Variants in HTR3C observed in about 807,000 individuals in gnomAD.
The protein encoded by HTR3C is 5-hydroxytryptamine receptor 3C.
Under a neutral mutation model 40.5 loss-of-function variants are expected in HTR3C, and 32 were observed. The observed-to-expected ratio is 0.79, with a 90% CI of 0.60 to 1.06. The LOEUF (loss-of-function observed/expected upper bound fraction) is 1.06, where lower values mean the gene tolerates loss of function less well. HTR3C is among the 50% of genes least tolerant of loss of function. HTR3C has a pLI of 0.00. For missense variants in HTR3C, 523 were observed against 556.8 expected (o/e 0.94, Z 0.61); for synonymous variants, 209 against 217.1 (o/e 0.96, Z 0.33).
intron 7 of HTR3C, 52 bp from the exon 8 acceptor site, chr3:184,059,776 A>C (rs1723406678): frequency 1.9e-5 from 31 of 1,603,698 alleles, no homozygotes; most frequent in Non-Finnish European, 5.1e-6. Flanking sequence ...AGGCGTGAGG[A>C]ATGCTTAGAG....
chr3:184,053,465 T>C (rs1392349532), intron 1 of HTR3C, among the ~76,000 whole-genome samples: 3 of 152,134 alleles, frequency 2.0e-5, no homozygotes, highest in Admixed American at 6.5e-5. Flanking sequence ...TCTCCTGACA[T>C]GATATCTATG....
intron 3 of HTR3C, among the ~76,000 whole-genome samples, chr3:184,055,699 A>G (rs1391098700): frequency 7.4e-6 from 1 of 134,718 alleles, no homozygotes; most frequent in Non-Finnish European, 1.6e-5. Flanking sequence ...AGATGACAAG[A>G]ACGAAACTCC....
At chr3:184,055,404 G>A (rs1723303003) in intron 3 of HTR3C, 48 bp downstream of exon 3, 1 of 1,404,736 alleles carries the variant, frequency 7.1e-7, no homozygotes, top group South Asian at 1.2e-5. Context: ...ATAATTTTAA[G>A]CCTGAGGAGT....
At chr3:184,056,399 G>A (rs1178418160) in intron 4 of HTR3C, 113 bp downstream of exon 4, 7 of 732,768 alleles carry the variant, frequency 9.6e-6, no homozygotes, top group South Asian at 1.6e-5. Context: ...CAGTCTCAAC[G>A]AACTGACTTC....
At chr3:184,058,690 T>G in intron 6 of HTR3C, 103 bp downstream of exon 6, 1 of 1,314,744 alleles carries the variant, frequency 7.6e-7, no homozygotes, top group Non-Finnish European at 1.0e-6. Context: ...CCAGGCCGGG[T>G]GCAGTGGCTC....
At position 184,055,317 on chromosome 3, in the gene HTR3C, A is replaced by T; in HGVS notation, c.240A>T (p.Ala80=). Residue 80 remains alanine (A), a synonymous_variant, in exon 3 of 9, where the codon GCA becomes GCT. Transcript: ENST00000318351. ...AGTGGAAATTTCCTTGTCAGGATGC[A>T]CAGCTCCAGCTGCTGACATCATTCC... The part of the protein sequence containing the change: ...FTLSAILGVD[A]QLQLLTSFLW... 6.2e-7 allele frequency: 1 copy of T among 1,609,804 alleles called. No homozygotes were observed. The highest frequency in any genetic ancestry group is 8.5e-7 in the Non-Finnish European group (1 of 1,176,056).
At chr3:184,053,635 GA>G (rs767163929) in intron 1 of HTR3C, among the ~76,000 whole-genome samples, 5 of 152,204 alleles carry the variant, frequency 3.3e-5, no homozygotes, top group Non-Finnish European at 7.3e-5. Flanking sequence ...AGGAGGCAGA[GA>G]AAAGGACCAT....
At chr3:184,056,410 C>T in intron 4 of HTR3C, 124 bp downstream of exon 4, 2 of 699,336 alleles carry the variant, frequency 2.9e-6, no homozygotes, top group Non-Finnish European at 5.1e-6. Flanking sequence ...AACTGACTTC[C>T]ACACATCACT....
chr3:184,057,614 G>A (rs1392331984), intron 5 of HTR3C, among the ~76,000 whole-genome samples: 3 of 152,012 alleles, frequency 2.0e-5, no homozygotes, highest in Non-Finnish European at 4.4e-5. Flanking sequence ...GGCGCCTGTA[G>A]TCCCAGCTAC....
rs1723421551 is a variant in HTR3C at position 184,060,292 on chromosome 3, C to T, written c.1284C>T (p.Arg428=). 3 of 1,614,158 alleles carry T rather than the reference C, an allele frequency of 1.9e-6. No individual in the cohort carries two copies. The highest frequency in any genetic ancestry group is 2.5e-6 in the Non-Finnish European group (3 of 1,180,040). ...FSHAMDTLLF[R]LYLLFMASSI... ...ACGCGATGGACACCCTGCTCTTCCGCCTCTACCTGCTCTTCATGGCCTCCT... is the reference window on the plus strand; with the variant it reads ...ACGCGATGGACACCCTGCTCTTCCGTCTCTACCTGCTCTTCATGGCCTCCT... Residue 428 remains arginine, a synonymous_variant, in exon 9 of 9, where the codon CGC becomes CGT. Transcript: ENST00000318351.
rs960148476 is a variant in HTR3C, at chr3:184,060,563, A to G, written c.*211A>G. On this transcript the variant is annotated 3_prime_UTR_variant, in exon 9 of 9. Coordinates refer to ENST00000318351, the MANE Select transcript of HTR3C (RefSeq NM_130770.3). ...CTGCTCAGGCTGCTCATTCCTGCTC[A>G]CCCTCAGTCTCCCTGAGCTACCACC... 2 of 618,082 alleles carry G rather than the reference A, an allele frequency of 3.2e-6. No individual in the cohort carries two copies. The highest frequency in any genetic ancestry group is 3.7e-5 in the African/African-American group (2 of 54,110). The allele number at this position is 618,082 out of a possible 1,614,324, so 38.3% of individuals were successfully genotyped here. A position where few individuals can be genotyped will look rare whatever the true frequency, so the allele number is the denominator to read the frequency against.
chr3:184,053,179 G>A (rs371387583), intron 1 of HTR3C, 32 bp downstream of exon 1: 2 of 1,571,826 alleles, frequency 1.3e-6, no homozygotes, highest in Admixed American at 1.7e-5. Flanking sequence ...GAAGACCAGA[G>A]TGTGGTTCCG....
At chr3:184,056,705 A>G (rs1277370604) in intron 4 of HTR3C, among the ~76,000 whole-genome samples, 170 bp from the exon 5 acceptor site, 2 of 152,148 alleles carry the variant, frequency 1.3e-5, no homozygotes, top group Non-Finnish European at 2.9e-5. Context: ...CTGAGATTGC[A>G]CCACTGAACT....
In HTR3C at chr3:184,056,126, A is replaced by G. The variant is rs368553627; in HGVS notation, c.280-51A>G. 128 of 1,215,452 alleles carry G rather than the reference A, an allele frequency of 1.1e-4. 1 individual carries two copies. The Middle Eastern group carries it at 1.7e-3, about 16-fold the overall frequency. 75.3% of individuals were successfully genotyped at this position (1,215,452 alleles called of 1,614,324 possible). Reference sequence around the variant, plus strand: ...AGAATGGAAAGGGTGGGAGAGGCCGACAGGACAAGCTCACCGTCACTCACC... The same window carrying G: ...AGAATGGAAAGGGTGGGAGAGGCCGGCAGGACAAGCTCACCGTCACTCACC... On this transcript the variant is annotated intron_variant, in intron 3 of 8. Coordinates refer to ENST00000318351, the MANE Select transcript of HTR3C (RefSeq NM_130770.3).
chr3:184,053,747 TTTG>T (rs1334508314), intron 1 of HTR3C, among the ~76,000 whole-genome samples: 5 of 151,978 alleles, frequency 3.3e-5, no homozygotes, highest in South Asian at 2.1e-4. Context: ...ACTTTGTGGT[TTTG>T]TTGTTGTTGT....
Position 184,059,589 on chromosome 3 carries a change from T to A in HTR3C, c.874T>A (p.Phe292Ile), listed in dbSNP as rs780857968. 1 of 1,614,044 alleles carries A rather than the reference T, an allele frequency of 6.2e-7. No homozygotes were observed. Among genetic ancestry groups the A allele is most frequent in the Non-Finnish European group, 8.5e-7 (1 of 1,180,002 alleles). ...KITLLLGYNVFLLMMNDLLPA... is the reference protein window; with the variant it reads ...KITLLLGYNVILLMMNDLLPA... ...AACACTTCTGCTGGGCTACAACGTCTTCCTGCTCATGATGAATGACTTGCT... is the reference window on the plus strand; with the variant it reads ...AACACTTCTGCTGGGCTACAACGTCATCCTGCTCATGATGAATGACTTGCT... Residue 292 changes from phenylalanine (F) to isoleucine (I), a missense_variant, in exon 7 of 9, where the codon TTC (phenylalanine) becomes ATC (isoleucine). Physicochemically the swap from Phe to Ile is conservative, Grantham distance 21. Transcript: ENST00000318351.
chr3:184,060,467 T>C lies in HTR3C; in HGVS notation c.*115T>C. 7.4e-7 allele frequency: 1 copy of C among 1,356,354 alleles called. No individual in the cohort carries two copies. Among genetic ancestry groups the C allele is most frequent in the East Asian group, 2.3e-5 (1 of 43,388 alleles). The allele number at this position is 1,356,354 out of a possible 1,614,324, so 84.0% of individuals were successfully genotyped here. A position where few individuals can be genotyped will look rare whatever the true frequency, so the allele number is the denominator to read the frequency against. On this transcript the variant is annotated 3_prime_UTR_variant, in exon 9 of 9. Coordinates refer to ENST00000318351, the MANE Select transcript of HTR3C (RefSeq NM_130770.3). The stretch of plus-strand genomic sequence containing the variant: ...ATCCCCAGTGACTACCATGTCCCCT[T>C]CTAAATTCCAAAGACTCCAACGCAG...
At chr3:184,057,759 CA>C (rs1393404480) in intron 5 of HTR3C, among the ~76,000 whole-genome samples, 1 of 121,770 alleles carries the variant, frequency 8.2e-6, no homozygotes, top group African/African-American at 3.0e-5. Flanking sequence ...CAAAACAAAA[CA>C]AAAAACAAAA....
At chr3:184,056,423 G>A (rs891829475) in intron 4 of HTR3C, 137 bp downstream of exon 4, 12 of 658,614 alleles carry the variant, frequency 1.8e-5, no homozygotes, top group African/African-American at 5.4e-5. Context: ...ACATCACTAC[G>A]AGTAGAAGAG....
Sources: allele counts gnomAD v4.1 joint callset (sites outside exome capture counted in the v4.1 genomes callset), GRCh38; gene constraint gnomAD v4.1.1; transcripts MANE v1.5; gene names NCBI Gene and HGNC (gene_info 2026-07-23, HGNC 2026-07-21).